MEIS2: variants seen among roughly 807,000 people sequenced by gnomAD.
MEIS2 encodes the protein homeobox protein Meis2.
A neutral mutation model predicts 58.6 loss-of-function variants in MEIS2; 9 were observed. That is an observed-to-expected ratio of 0.15 (90% CI 0.09 to 0.27). The LOEUF is 0.27. Among genes scored for constraint, MEIS2 ranks in the 10% least tolerant of loss-of-function variants. MEIS2 has a pLI of 1.00. For synonymous variants in MEIS2, 221 were observed against 228.4 expected (o/e 0.97, Z 0.29); for missense variants, 427 against 635.0 (o/e 0.67, Z 3.52).
At chr15:37,034,876 AGTCTCGGGCCCTTG>A (rs2062085352) in intron 8 of MEIS2, among the ~76,000 whole-genome samples, 1 of 152,126 alleles carries the variant, frequency 6.6e-6, no homozygotes, top group African/African-American at 2.4e-5. Flanking sequence ...GGGACTTGGA[AGTCTCGGGCCCTTG>A]TCTCAGCTTG....
chr15:37,031,845 G>GTGTA (rs1316084011), intron 8 of MEIS2, among the ~76,000 whole-genome samples: 2 of 151,584 alleles, frequency 1.3e-5, no homozygotes, highest in Non-Finnish European at 2.9e-5. Flanking sequence ...GTGTGTGTGT[G>GTGTA]TGTGTGTGTG....
rs1204328890 is a variant in MEIS2 at position 36,891,520 on chromosome 15, T to A, written c.*653A>T. ...TGTCTTTAAATCTTCATTGGCAAGC[T>A]CTTTGAAGAAGAGTCCCCCAAAAAT... On this transcript the variant is annotated 3_prime_UTR_variant, in exon 12 of 12. Transcript: ENST00000561208. 3 of 152,762 alleles carry A rather than the reference T, an allele frequency of 2.0e-5. No homozygotes were observed. The highest frequency in any genetic ancestry group is 2.9e-5 in the Non-Finnish European group (2 of 68,148). The allele number at this position is 152,762 out of a possible 1,614,324, so 9.5% of individuals were successfully genotyped here.
At chr15:36,978,800 C>T (rs371290052) in intron 8 of MEIS2, among the ~76,000 whole-genome samples, 1 of 152,120 alleles carries the variant, frequency 6.6e-6, no homozygotes, top group Admixed American at 6.6e-5. Flanking sequence ...ATCTCTATTA[C>T]ATTTTGATGG....
intron 8 of MEIS2, among the ~76,000 whole-genome samples, chr15:36,953,821 C>T (rs772711838): frequency 2.6e-5 from 4 of 152,046 alleles, no homozygotes; most frequent in Non-Finnish European, 5.9e-5. Context: ...AGATAGTGAC[C>T]TTAGGCCTTC....
chr15:36,906,531 T>C (rs1434969220), intron 9 of MEIS2, among the ~76,000 whole-genome samples: 1 of 151,700 alleles, frequency 6.6e-6, no homozygotes, highest in Non-Finnish European at 1.5e-5. Flanking sequence ...TTGATGAAAA[T>C]TGGAAATAGA....
At chr15:36,921,875 A>G (rs1203313215) in intron 9 of MEIS2, among the ~76,000 whole-genome samples, 1 of 152,212 alleles carries the variant, frequency 6.6e-6, no homozygotes, top group African/African-American at 2.4e-5. Flanking sequence ...CCAAATGATG[A>G]TTTAAACATC....
At chr15:36,985,696 T>C (rs1221620562) in intron 8 of MEIS2, among the ~76,000 whole-genome samples, 1 of 152,192 alleles carries the variant, frequency 6.6e-6, no homozygotes, top group East Asian at 1.9e-4. Context: ...TTTCTGTTCA[T>C]TTGCTTCCTG....
chr15:37,013,321 A>G (rs533055207), intron 8 of MEIS2, among the ~76,000 whole-genome samples: 1 of 152,312 alleles, frequency 6.6e-6, no homozygotes, highest in South Asian at 2.1e-4. Context: ...CTGTAATCCC[A>G]GCACTTTAGG....
chr15:36,949,052 A>G lies in MEIS2; in HGVS notation c.977+1272T>C, dbSNP rs566243914. On this transcript the variant is annotated intron_variant, in intron 9 of 11. Transcript: ENST00000561208. ...ATTTTCTGCTTCTGTAGGTAGGCAC[A>G]TCACTTTCTGTACAGCACTAGGCAT... 3.9e-5 allele frequency among the ~76,000 whole-genome samples: 6 copies of G among 152,142 alleles called. No homozygotes were observed. In the East Asian group the frequency reaches 1.2e-3, roughly 29 times the overall value.
At chr15:37,090,986 T>A (rs1250956709) in intron 6 of MEIS2, among the ~76,000 whole-genome samples, 1 of 152,116 alleles carries the variant, frequency 6.6e-6, no homozygotes, top group East Asian at 1.9e-4. Flanking sequence ...CCTGCACCAG[T>A]GTTCACCAAA....
chr15:37,030,355 A>G (rs1369416953), intron 8 of MEIS2, among the ~76,000 whole-genome samples: 3 of 151,912 alleles, frequency 2.0e-5, no homozygotes, highest in Admixed American at 2.0e-4. Flanking sequence ...ACTGAGGGGT[A>G]TTTCCATTTT....
At chr15:37,008,757 G>A (rs1359486203) in intron 8 of MEIS2, among the ~76,000 whole-genome samples, 1 of 152,160 alleles carries the variant, frequency 6.6e-6, no homozygotes, top group African/African-American at 2.4e-5. Context: ...AAAAGAAAGA[G>A]CTAAGTATTT....
intron 7 of MEIS2, among the ~76,000 whole-genome samples, chr15:37,038,730 T>C (rs2062275113): frequency 6.6e-6 from 1 of 152,210 alleles, no homozygotes; most frequent in Admixed American, 6.5e-5. Flanking sequence ...CAAAAGGCAT[T>C]TGACTCTTTC....
rs936097942 is a variant in MEIS2, at chr15:36,930,221, G to T, written c.977+20103C>A. ...CAGTCTTAAAAAAAAAAAAAAAAAAGAGAGAGAGAGAGAAAAAAAAAGTTA... is the reference window on the plus strand; with the variant it reads ...CAGTCTTAAAAAAAAAAAAAAAAAATAGAGAGAGAGAGAAAAAAAAAGTTA... On this transcript the variant is annotated intron_variant, in intron 9 of 11. Coordinates refer to ENST00000561208, the MANE Select transcript of MEIS2 (RefSeq NM_170675.5). Among the ~76,000 whole-genome samples, 3 of 104,562 alleles carry T rather than the reference G, an allele frequency of 2.9e-5. No individual in the cohort carries two copies. The Admixed American group carries it at 3.3e-4, about 11-fold the overall frequency. 68.6% of individuals were successfully genotyped at this position (104,562 alleles called of 152,430 possible).
intron 7 of MEIS2, among the ~76,000 whole-genome samples, chr15:37,058,201 G>C (rs186047246): frequency 6.6e-6 from 1 of 152,178 alleles, no homozygotes; most frequent in African/African-American, 2.4e-5. Flanking sequence ...TTAATTCCCT[G>C]CCTGAAAACA....
intron 8 of MEIS2, among the ~76,000 whole-genome samples, chr15:36,988,285 A>G (rs910746552): frequency 2.0e-5 from 3 of 152,210 alleles, no homozygotes; most frequent in Admixed American, 6.5e-5. Context: ...AATACTTATT[A>G]TTATCCAAAT....
At chr15:36,983,827 T>G (rs1437292240) in intron 8 of MEIS2, among the ~76,000 whole-genome samples, 2 of 152,144 alleles carry the variant, frequency 1.3e-5, no homozygotes, top group Non-Finnish European at 2.9e-5. Context: ...CTTTCATCCA[T>G]GTTCTACAGT....
intron 9 of MEIS2, among the ~76,000 whole-genome samples, chr15:36,912,059 A>G (rs1353772751): frequency 6.7e-6 from 1 of 149,362 alleles, no homozygotes; most frequent in East Asian, 2.0e-4. Context: ...CCTAGGGGGG[A>G]TAAAAAAACC....
chr15:36,900,291 T>C (rs888123355), intron 9 of MEIS2, among the ~76,000 whole-genome samples: 2 of 152,146 alleles, frequency 1.3e-5, no homozygotes, highest in East Asian at 3.9e-4. Context: ...TCATTGTGAC[T>C]TTTTTTAAAG....
Sources: gnomAD v4.1 joint callset for allele counts (sites outside exome capture counted in the v4.1 genomes callset) on GRCh38, gnomAD v4.1.1 for gene constraint, MANE v1.5 for transcripts, NCBI Gene and HGNC (gene_info 2026-07-23, HGNC 2026-07-21) for gene names.